The following AADAT variants were observed in gnomAD, a reference collection of about 807,000 sequenced individuals.
The protein encoded by AADAT is aminoadipate aminotransferase, also known as kynurenine/alpha-aminoadipate aminotransferase, mitochondrial.
Under a neutral mutation model 56.2 loss-of-function variants are expected in AADAT, and 25 were observed. The ratio of observed to expected loss-of-function variants is 0.44; its 90% CI spans 0.32 to 0.62. AADAT has a LOEUF of 0.62. Ranked by LOEUF, AADAT falls within the 20% of genes least tolerant of loss-of-function variation. The pLI is 0.04. For missense variants in AADAT, 387 were observed against 510.5 expected (o/e 0.76, Z 2.33); for synonymous variants, 173 against 164.7 (o/e 1.05, Z -0.39).
At chr4:170,088,160 T>G (rs1732651769) in intron 2 of AADAT, among the ~76,000 whole-genome samples, 1 of 151,800 alleles carries the variant, frequency 6.6e-6, no homozygotes, top group Non-Finnish European at 1.5e-5. Flanking sequence ...TCAATATCCT[T>G]TCTGTTCTTA....
At chr4:170,072,644 G>T (rs1164894014) in intron 5 of AADAT, among the ~76,000 whole-genome samples, 2 of 152,128 alleles carry the variant, frequency 1.3e-5, no homozygotes, top group African/African-American at 4.8e-5. Context: ...ATTTTTCAAA[G>T]ATTTCTGGGG....
intron 1 of AADAT, 128 bp downstream of exon 1, chr4:170,089,496 G>T: frequency 1.0e-6 from 1 of 1,001,324 alleles, no homozygotes; most frequent in Non-Finnish European, 1.5e-6. Context: ...CGCAGAGCCT[G>T]GCTCACCGCG....
intron 3 of AADAT, among the ~76,000 whole-genome samples, chr4:170,086,771 A>C (rs1732583788): frequency 6.6e-6 from 1 of 152,212 alleles, no homozygotes; most frequent in Non-Finnish European, 1.5e-5. Context: ...TATTTAAGAA[A>C]GATTAGGCTA....
upstream of AADAT, chr4:170,091,836 A>G (rs1352946858): frequency 1.3e-5 from 2 of 152,260 alleles, no homozygotes; most frequent in Admixed American, 6.5e-5. Context: ...GGACTTGGAG[A>G]ATCTTTATGT....
At chr4:170,083,573 T>C (rs11939395) in intron 3 of AADAT, among the ~76,000 whole-genome samples, 3 of 149,560 alleles carry the variant, frequency 2.0e-5, no homozygotes, top group Non-Finnish European at 4.4e-5. Flanking sequence ...CCATTAAAAA[T>C]TGGGCAAAAG....
At chr4:170,060,992 G>A in intron 12 of AADAT, 23 bp from the exon 13 acceptor site, 1 of 1,425,610 alleles carries the variant, frequency 7.0e-7, no homozygotes, top group Non-Finnish European at 9.5e-7. Flanking sequence ...AAAAAAATTA[G>A]AATTAATTAA....
chr4:170,092,521 G>C (rs191435360), upstream of AADAT, among the ~76,000 whole-genome samples: 100 of 152,246 alleles, frequency 6.6e-4, no homozygotes, highest in Middle Eastern at 3.4e-3. Flanking sequence ...AACACACCGC[G>C]AGTGTCTGCG....
chr4:170,092,283 C>T (rs964746407), upstream of AADAT, among the ~76,000 whole-genome samples: 8 of 152,238 alleles, frequency 5.3e-5, no homozygotes, highest in African/African-American at 1.2e-4. Context: ...GTAACACTCA[C>T]CGCGAAGGTG....
intron 5 of AADAT, among the ~76,000 whole-genome samples, chr4:170,072,136 A>AG (rs371916962): frequency 1.4e-3 from 213 of 152,270 alleles, no homozygotes; most frequent in Non-Finnish European, 2.4e-3. Context: ...AAACTGGACA[A>AG]GGCTGTCTGG....
intron 5 of AADAT, among the ~76,000 whole-genome samples, chr4:170,071,222 G>A (rs888856893): frequency 7.9e-5 from 12 of 152,182 alleles, no homozygotes; most frequent in African/African-American, 2.9e-4. Context: ...TAGATGGGTG[G>A]CTTTTAAGTG....
intron 4 of AADAT, among the ~76,000 whole-genome samples, chr4:170,075,673 T>C (rs1732000105): frequency 6.6e-6 from 1 of 152,166 alleles, no homozygotes; most frequent in South Asian, 2.1e-4. Context: ...TGTGCATCCA[T>C]CACCTCTGTC....
rs745778543 is a variant in AADAT at position 170,078,554 on chromosome 4, A to G, written c.399T>C (p.Asp133=). The G allele has an allele frequency of 3.1e-6, 5 of 1,608,120 alleles. No homozygotes were observed. Among genetic ancestry groups the G allele is most frequent in the East Asian group, 4.5e-5 (2 of 44,580 alleles). ...KVFEMIINPG[D]NVLLDEPAYS... ...AAGCAGGTTCATCTAGGAGGACATT[A>G]TCTCCAGGATTAATGATCATTTCAA... Residue 133 remains aspartate (D), a synonymous_variant, in exon 4 of 13, where the codon GAT becomes GAC. Coordinates refer to ENST00000337664, the MANE Select transcript of AADAT (RefSeq NM_016228.4).
At chr4:170,085,196 G>A (rs922838036) in intron 3 of AADAT, among the ~76,000 whole-genome samples, 24 of 152,148 alleles carry the variant, frequency 1.6e-4, no homozygotes, top group African/African-American at 1.2e-4. Flanking sequence ...AAGGCTTCTG[G>A]TCAAGAGTAG....
intron 3 of AADAT, 70 bp downstream of exon 3, chr4:170,087,046 A>T: frequency 6.4e-7 from 1 of 1,557,480 alleles, no homozygotes; most frequent in African/African-American, 1.4e-5. Flanking sequence ...TCTGTGGTTA[A>T]GTGCGAGAGG....
intron 4 of AADAT, among the ~76,000 whole-genome samples, chr4:170,077,180 C>T (rs1414405555): frequency 6.6e-6 from 1 of 152,110 alleles, no homozygotes; most frequent in Admixed American, 6.6e-5. Flanking sequence ...TATTTAGGTC[C>T]TTTAAACTCA....
chr4:170,081,441 G>C (rs1388151996), intron 3 of AADAT, among the ~76,000 whole-genome samples: 1 of 152,016 alleles, frequency 6.6e-6, no homozygotes, highest in African/African-American at 2.4e-5. Flanking sequence ...TAAATATCCA[G>C]GCCACAGAAG....
chr4:170,088,276 T>C, intron 2 of AADAT, 120 bp downstream of exon 2: 1 of 1,091,590 alleles, frequency 9.2e-7, no homozygotes, highest in South Asian at 2.2e-5. Flanking sequence ...AATGGGTCAA[T>C]GGCTTTAGAA....
intron 1 of AADAT, chr4:170,089,116 A>G (rs1174858980): frequency 4.9e-6 from 1 of 202,390 alleles, no homozygotes; most frequent in African/African-American, 2.3e-5. Flanking sequence ...TAGGCACCTC[A>G]CTTGTGGAGG....
At chr4:170,080,261 A>G (rs1732230964) in intron 3 of AADAT, among the ~76,000 whole-genome samples, 1 of 152,316 alleles carries the variant, frequency 6.6e-6, no homozygotes, top group Non-Finnish European at 1.5e-5. Context: ...CTCTGAACAG[A>G]TGGTAAGAAA....
Sources: allele counts gnomAD v4.1 joint callset (sites outside exome capture counted in the v4.1 genomes callset), GRCh38; gene constraint gnomAD v4.1.1; transcripts MANE v1.5; gene names NCBI Gene and HGNC (gene_info 2026-07-23, HGNC 2026-07-21).